FMN2: variants seen among roughly 807,000 people sequenced by gnomAD.
The protein encoded by FMN2 is formin 2.
FMN2 carries 51 observed loss-of-function variants against 142.3 expected under a neutral mutation model. That is an observed-to-expected ratio of 0.36 (90% confidence interval 0.29 to 0.45). FMN2 has a LOEUF of 0.45. Ranked by LOEUF, FMN2 falls within the 20% of genes least tolerant of loss-of-function variation. The probability of loss-of-function intolerance (pLI) is 1.00; values close to 1 mark genes in which losing one functional copy is unlikely to be tolerated. For missense variants in FMN2, 1,936 were observed against 2,122.8 expected, an observed-to-expected ratio of 0.91 and a Z score of 1.73; for synonymous variants, 882 against 869.8, an observed-to-expected ratio of 1.01 and a Z score of -0.25.
chr1:240,144,435 C>T (rs181974658), intron 2 of FMN2: 181 of 1,599,390 alleles, frequency 1.1e-4, no homozygotes, highest in Non-Finnish European at 1.5e-4. Flanking sequence ...GTCAGGTGCT[C>T]ATACTCCTTG....
chr1:240,409,103 T>A (rs1287896432), intron 15 of FMN2, among the ~76,000 whole-genome samples: 2 of 152,276 alleles, frequency 1.3e-5, no homozygotes, highest in South Asian at 2.1e-4. Context: ...TGGTCTCAGA[T>A]ATGAGATTGT....
chr1:240,245,403 A>G, intron 6 of FMN2: 1 of 421,858 alleles, frequency 2.4e-6, no homozygotes, highest in Non-Finnish European at 4.9e-6. Context: ...GTAGTGAAAG[A>G]GAAGAATGAA....
chr1:240,385,848 G>A (rs1473915436), intron 14 of FMN2, among the ~76,000 whole-genome samples: 2 of 151,894 alleles, frequency 1.3e-5, no homozygotes, highest in African/African-American at 4.8e-5. Context: ...GCCCCCATAT[G>A]TTTATATACA....
At chr1:240,196,271 C>G (rs1049611982) in intron 4 of FMN2, among the ~76,000 whole-genome samples, 7 of 152,166 alleles carry the variant, frequency 4.6e-5, no homozygotes, top group Non-Finnish European at 8.8e-5. Context: ...AGCTATTAAA[C>G]TCTCAAAGTA....
chr1:240,375,447 G>A (rs1673011750), intron 14 of FMN2, among the ~76,000 whole-genome samples: 1 of 152,192 alleles, frequency 6.6e-6, no homozygotes, highest in South Asian at 2.1e-4. Context: ...CCTGCAATGA[G>A]ATGTTATAGC....
chr1:240,334,310 AAAGT>A, intron 13 of FMN2, 81 bp downstream of exon 13: 1 of 1,411,312 alleles, frequency 7.1e-7, no homozygotes, highest in Non-Finnish European at 9.4e-7. Context: ...TTTTTAGAGA[AAAGT>A]AATCTTTTTT....
rs1572063534 is a variant in FMN2, at chr1:240,207,881, C to G, written c.3069C>G (p.Pro1023=). The G allele has an allele frequency of 3.9e-6, 2 of 507,258 alleles. No homozygotes were observed. The highest frequency in any genetic ancestry group is 6.3e-6 in the Non-Finnish European group (2 of 319,100). The allele number at this position is 507,258 out of a possible 1,614,324, so 31.4% of individuals were successfully genotyped here. ...CCGGAGCGGGCATACCTCCTCCACC[C>G]CCTCTACCCGGAGCGGGCATACCCC... The part of the protein sequence containing the change: ...PLPGAGIPPP[P]PLPGAGIPPP... Residue 1023 remains proline, a synonymous_variant, in exon 5 of 18, where the codon CCC becomes CCG. Transcript: ENST00000319653.
chr1:240,329,002 A>G (rs2103013023), intron 8 of FMN2, 74 bp from the exon 9 acceptor site: 1 of 1,291,192 alleles, frequency 7.7e-7, no homozygotes, highest in South Asian at 1.3e-5. Flanking sequence ...CAAATTTATC[A>G]AGATAATTAG....
chr1:240,206,665 T>C, intron 4 of FMN2, 134 bp from the exon 5 acceptor site: 1 of 1,099,054 alleles, frequency 9.1e-7, no homozygotes, highest in Non-Finnish European at 1.3e-6. Context: ...CACATAGAAA[T>C]ATTAATACCA....
At chr1:240,107,766 C>T (rs974518913) in intron 1 of FMN2, among the ~76,000 whole-genome samples, 2 of 151,718 alleles carry the variant, frequency 1.3e-5, no homozygotes, top group African/African-American at 4.8e-5. Context: ...AAAAAAAATC[C>T]CTTGATGCTA....
chr1:240,109,519 T>C (rs1187387761), intron 1 of FMN2, among the ~76,000 whole-genome samples: 7 of 152,158 alleles, frequency 4.6e-5, no homozygotes, highest in African/African-American at 1.2e-4. Flanking sequence ...CTGCTCTATG[T>C]TGAACTCACT....
At chr1:240,467,302 T>G (rs1676655161) in intron 16 of FMN2, among the ~76,000 whole-genome samples, 2 of 145,266 alleles carry the variant, frequency 1.4e-5, no homozygotes, top group East Asian at 2.0e-4. Flanking sequence ...TGAGACAGAG[T>G]CTCACTCTAT....
chr1:240,144,014 A>G, intron 2 of FMN2: 1 of 1,176,582 alleles, frequency 8.5e-7, no homozygotes, highest in South Asian at 1.2e-5. Flanking sequence ...CTCATTCCAG[A>G]CCCCAGAGTT....
chr1:240,342,603 G>A (rs1290086042), intron 13 of FMN2, among the ~76,000 whole-genome samples: 6 of 152,096 alleles, frequency 3.9e-5, no homozygotes, highest in African/African-American at 1.2e-4. Flanking sequence ...TCAAGTTCTC[G>A]ATATTACCAA....
At chr1:240,179,974 G>C (rs1410599161) in intron 3 of FMN2, among the ~76,000 whole-genome samples, 1 of 152,112 alleles carries the variant, frequency 6.6e-6, no homozygotes, top group African/African-American at 2.4e-5. Context: ...TATATATACT[G>C]GTGGAGCACT....
intron 7 of FMN2, among the ~76,000 whole-genome samples, chr1:240,291,658 C>G (rs1669797647): frequency 6.6e-6 from 1 of 152,092 alleles, no homozygotes; most frequent in African/African-American, 2.4e-5. Flanking sequence ...AGTTCTGTAC[C>G]AGGCTCTCTT....
chr1:240,471,468 T>C (rs1333236428), intron 16 of FMN2, among the ~76,000 whole-genome samples: 4 of 150,874 alleles, frequency 2.7e-5, no homozygotes, highest in African/African-American at 9.9e-5. Flanking sequence ...CTCAGCCTCT[T>C]GGGTTCACAC....
intron 15 of FMN2, among the ~76,000 whole-genome samples, chr1:240,408,527 T>A (rs556686846): frequency 2.0e-5 from 3 of 152,196 alleles, no homozygotes; most frequent in Non-Finnish European, 4.4e-5. Flanking sequence ...AAGTATCATA[T>A]CCCATGTTTT....
Position 240,336,582 on chromosome 1 carries a change from A to AAAAAAAAAAAAAAAAG in FMN2, c.4765+2353_4765+2354insAAAAAAAAAAAAAAAG, listed in dbSNP as rs144682452. On this transcript the variant is annotated intron_variant, in intron 13 of 17. Transcript: ENST00000319653. ...AAAAAAAAAAAAAAAAAAAAAAAAA[A>AAAAAAAAAAAAAAAAG]GGTGGTTGCAATTGTTTTCCCATTT... Among the ~76,000 whole-genome samples the AAAAAAAAAAAAAAAAG allele has an allele frequency of 2.7e-4, 28 of 101,888 alleles. 6 individuals are homozygous for AAAAAAAAAAAAAAAAG. Among genetic ancestry groups the AAAAAAAAAAAAAAAAG allele is most frequent in the South Asian group, 8.1e-4 (2 of 2,468 alleles). The allele number at this position is 101,888 out of a possible 152,430, so 66.8% of individuals were successfully genotyped here. A position where few individuals can be genotyped will look rare whatever the true frequency, so the allele number is the denominator to read the frequency against.
Sources: gnomAD v4.1 joint callset for allele counts (sites outside exome capture counted in the v4.1 genomes callset) on GRCh38, gnomAD v4.1.1 for gene constraint, MANE v1.5 for transcripts, NCBI Gene and HGNC (gene_info 2026-07-23, HGNC 2026-07-21) for gene names.